Variants in CADM2 observed in about 807,000 individuals in gnomAD.
The protein encoded by CADM2 is cell adhesion molecule 2, also known as immunoglobulin superfamily member 4D.
A neutral mutation model predicts 49.8 loss-of-function variants in CADM2; 12 were observed. That is an observed-to-expected ratio of 0.24 (90% CI 0.15 to 0.39). The LOEUF (loss-of-function observed/expected upper bound fraction) is 0.39. Ranked by LOEUF, CADM2 falls within the 10% of genes least tolerant of loss-of-function variation. The pLI, the probability that CADM2 is intolerant of heterozygous loss-of-function variation, is 1.00. For synonymous variants in CADM2, 214 were observed against 175.4 expected (o/e 1.22, Z -1.74); for missense variants, 378 against 492.3 (o/e 0.77, Z 2.20).
intron 1 of CADM2, among the ~76,000 whole-genome samples, chr3:85,063,667 T>C (rs2036418837): frequency 6.6e-6 from 1 of 152,038 alleles, no homozygotes; most frequent in Admixed American, 6.6e-5. Context: ...TGAGCTGCCC[T>C]CCAGATAATG....
At position 85,455,872 on chromosome 3, in the gene CADM2, A is replaced by G. The variant is rs148130423; in HGVS notation, c.62-270650A>G. 3.1e-3 allele frequency among the ~76,000 whole-genome samples: 470 copies of G among 152,340 alleles called. 1 individual carries two copies. Among genetic ancestry groups the G allele is most frequent in the South Asian group, 0.011 (55 of 4,828 alleles). ...GTGTGTGTGTGTATTTAAAAGACATAGTGGTCAATCTCCAGGGATATTCTG... is the reference window on the plus strand; with the variant it reads ...GTGTGTGTGTGTATTTAAAAGACATGGTGGTCAATCTCCAGGGATATTCTG... On this transcript the variant is annotated intron_variant, in intron 1 of 9. Coordinates refer to ENST00000383699, the MANE Select transcript of CADM2 (RefSeq NM_001167675.2).
At chr3:85,721,425 A>C (rs563384133) in intron 1 of CADM2, among the ~76,000 whole-genome samples, 42 of 152,106 alleles carry the variant, frequency 2.8e-4, no homozygotes, top group Non-Finnish European at 4.9e-4. Flanking sequence ...CATTTCACTC[A>C]CTTGGCCTGG....
chr3:85,351,079 G>A (rs1223137617), intron 1 of CADM2, among the ~76,000 whole-genome samples: 1 of 152,058 alleles, frequency 6.6e-6, no homozygotes, highest in East Asian at 1.9e-4. Flanking sequence ...ATCACTTAGT[G>A]CCATCGTCTG....
At chr3:85,003,291 C>T (rs2033563390) in intron 1 of CADM2, among the ~76,000 whole-genome samples, 1 of 152,228 alleles carries the variant, frequency 6.6e-6, no homozygotes, top group African/African-American at 2.4e-5. Flanking sequence ...AGAAAACCTA[C>T]TTCAGATTGT....
chr3:85,670,686 T>A (rs561992693), intron 1 of CADM2, among the ~76,000 whole-genome samples: 8 of 152,296 alleles, frequency 5.3e-5, no homozygotes, highest in Middle Eastern at 3.4e-3. Context: ...GATGGCCATG[T>A]ATGATCTGAA....
intron 1 of CADM2, among the ~76,000 whole-genome samples, chr3:85,367,676 A>G (rs1418866542): frequency 3.9e-5 from 6 of 152,044 alleles, no homozygotes; most frequent in Admixed American, 2.6e-4. Context: ...TCAGCACCGT[A>G]CAGGCATACA....
intron 1 of CADM2, among the ~76,000 whole-genome samples, chr3:85,525,693 G>A (rs1046631207): frequency 1.3e-5 from 2 of 151,820 alleles, no homozygotes; most frequent in African/African-American, 4.8e-5. Flanking sequence ...TTCTTATTTT[G>A]ATGTGTCAAC....
intron 2 of CADM2, among the ~76,000 whole-genome samples, chr3:85,734,536 TAC>T (rs1462154111): frequency 3.6e-5 from 5 of 137,826 alleles, no homozygotes; most frequent in East Asian, 2.1e-4. Context: ...TACACACACA[TAC>T]ATATATATAT....
intron 1 of CADM2, among the ~76,000 whole-genome samples, chr3:85,390,497 T>C (rs2034466318): frequency 6.6e-6 from 1 of 152,104 alleles, no homozygotes; most frequent in South Asian, 2.1e-4. Flanking sequence ...ACTCTTGCTA[T>C]GTAACTCTCC....
chr3:84,961,343 A>G (rs752355524), intron 1 of CADM2, among the ~76,000 whole-genome samples: 1 of 152,150 alleles, frequency 6.6e-6, no homozygotes, highest in Non-Finnish European at 1.5e-5. Context: ...CCTTGTAGAG[A>G]TCTTGTGTAG....
intron 1 of CADM2, among the ~76,000 whole-genome samples, chr3:85,681,157 CTAAATG>C (rs2066030360): frequency 6.6e-6 from 1 of 151,986 alleles, no homozygotes; most frequent in African/African-American, 2.4e-5. Flanking sequence ...ACACTGGGGC[CTAAATG>C]TAGACAGTGA....
intron 8 of CADM2, among the ~76,000 whole-genome samples, chr3:86,009,093 G>A (rs1292248509): frequency 1.7e-5 from 1 of 58,298 alleles, no homozygotes; most frequent in African/African-American, 4.9e-5. Flanking sequence ...TGGTGTTATA[G>A]TGTGTGTGTG....
chr3:85,124,420 T>C (rs2038962009), intron 1 of CADM2, among the ~76,000 whole-genome samples: 1 of 151,938 alleles, frequency 6.6e-6, no homozygotes, highest in Non-Finnish European at 1.5e-5. Context: ...CGAGACAACA[T>C]AGTGAGACTC....
intron 3 of CADM2, among the ~76,000 whole-genome samples, chr3:85,874,545 A>C (rs2108362988): frequency 6.6e-6 from 1 of 152,256 alleles, no homozygotes; most frequent in African/African-American, 2.4e-5. Flanking sequence ...TAAAAAATGA[A>C]TTTCATATGT....
chr3:85,203,993 T>C (rs1025364809), intron 1 of CADM2, among the ~76,000 whole-genome samples: 2 of 152,340 alleles, frequency 1.3e-5, no homozygotes, highest in East Asian at 3.9e-4. Flanking sequence ...ATACTTTCAC[T>C]GAAATTTAGC....
intron 1 of CADM2, among the ~76,000 whole-genome samples, chr3:85,717,471 A>G (rs1429709091): frequency 6.6e-6 from 1 of 152,058 alleles, no homozygotes; most frequent in Non-Finnish European, 1.5e-5. Flanking sequence ...TTCCTATTTG[A>G]ATATCCTTTA....
intron 1 of CADM2, among the ~76,000 whole-genome samples, chr3:85,525,350 C>T (rs903869878): frequency 2.0e-5 from 3 of 152,072 alleles, no homozygotes; most frequent in African/African-American, 7.2e-5. Context: ...AACTAAAGCC[C>T]ATGCTATATT....
At chr3:86,031,087 T>A (rs1415581013) in intron 8 of CADM2, among the ~76,000 whole-genome samples, 2 of 151,806 alleles carry the variant, frequency 1.3e-5, no homozygotes, top group Non-Finnish European at 3.0e-5. Flanking sequence ...ATTCTAAAGA[T>A]GAATAAACAG....
In CADM2 at chr3:86,067,124, T is replaced by C. The variant is rs971113078; in HGVS notation, c.*341T>C. 2 of 192,190 alleles carry C rather than the reference T, an allele frequency of 1.0e-5. No homozygotes were observed. The highest frequency in any genetic ancestry group is 2.4e-5 in the African/African-American group (1 of 42,442). 11.9% of individuals were successfully genotyped at this position (192,190 alleles called of 1,614,324 possible). ...TTAAAAAATGTATGCAGAGTTTTTT[T>C]CCCCCATTTTTTCCCCTTTAAGTCA... On this transcript the variant is annotated 3_prime_UTR_variant, in exon 10 of 10. Coordinates refer to ENST00000383699, the MANE Select transcript of CADM2 (RefSeq NM_001167675.2).
Sources: allele counts gnomAD v4.1 joint callset (sites outside exome capture counted in the v4.1 genomes callset), GRCh38; gene constraint gnomAD v4.1.1; transcripts MANE v1.5; gene names NCBI Gene and HGNC (gene_info 2026-07-23, HGNC 2026-07-21).